The following ASIC2 variants were observed in gnomAD, a reference collection of about 807,000 sequenced individuals.
ASIC2 encodes the protein acid sensing ion channel subunit 2.
ASIC2 carries 25 observed loss-of-function variants against 57.3 expected under a neutral mutation model. The observed-to-expected ratio is 0.44, with a 90% CI of 0.32 to 0.61. ASIC2 has a LOEUF of 0.61. ASIC2 is among the 20% of genes least tolerant of loss of function. The pLI, the probability that ASIC2 is intolerant of heterozygous loss-of-function variation, is 0.06. For missense variants in ASIC2, 641 were observed against 738.1 expected, an observed-to-expected ratio of 0.87 and a Z score of 1.52; for synonymous variants, 319 against 307.5, an observed-to-expected ratio of 1.04 and a Z score of -0.39.
chr17:33,321,022 C>A (rs945235997), intron 1 of ASIC2, among the ~76,000 whole-genome samples: 1 of 152,160 alleles, frequency 6.6e-6, no homozygotes, highest in Non-Finnish European at 1.5e-5. Context: ...CTAGGAATAG[C>A]GCTGCTGTGA....
intron 1 of ASIC2, among the ~76,000 whole-genome samples, chr17:33,861,456 A>AT (rs751399803): frequency 6.6e-6 from 1 of 152,228 alleles, no homozygotes; most frequent in Non-Finnish European, 1.5e-5. Flanking sequence ...ACCAAAGGCT[A>AT]TTATTCCCAT....
chr17:33,513,214 T>C (rs1441731902), intron 1 of ASIC2, among the ~76,000 whole-genome samples: 2 of 152,228 alleles, frequency 1.3e-5, no homozygotes, highest in Non-Finnish European at 2.9e-5. Context: ...TAATTTTAGC[T>C]TTTATTTTCA....
chr17:34,097,737 G>A (rs940333284), intron 1 of ASIC2, among the ~76,000 whole-genome samples: 2 of 152,088 alleles, frequency 1.3e-5, no homozygotes, highest in African/African-American at 4.8e-5. Context: ...TGGAACTCAT[G>A]GATACAGAGG....
chr17:34,029,180 C>T (rs1907492169), intron 1 of ASIC2, among the ~76,000 whole-genome samples: 1 of 152,164 alleles, frequency 6.6e-6, no homozygotes, highest in African/African-American at 2.4e-5. Context: ...TCTTCCCCAT[C>T]TTATAAATTA....
chr17:33,134,302 T>C (rs115369446), intron 1 of ASIC2, among the ~76,000 whole-genome samples: 1,785 of 152,300 alleles, frequency 0.012, 21 homozygotes, highest in African/African-American at 0.03. Flanking sequence ...CCGTTCCTTT[T>C]CACCAGTGCT....
chr17:33,737,205 T>C (rs1372892024), intron 1 of ASIC2, among the ~76,000 whole-genome samples: 2 of 152,262 alleles, frequency 1.3e-5, no homozygotes, highest in African/African-American at 4.8e-5. Context: ...ATGGGGTAGG[T>C]TACTATCAGT....
intron 1 of ASIC2, among the ~76,000 whole-genome samples, chr17:34,152,025 T>TAA: frequency 6.6e-6 from 1 of 152,128 alleles, no homozygotes; most frequent in Non-Finnish European, 1.5e-5. Flanking sequence ...ATAATAATAA[T>TAA]TTTTTTAAAA....
intron 1 of ASIC2, among the ~76,000 whole-genome samples, chr17:33,625,545 G>A (rs1249630124): frequency 1.3e-5 from 2 of 152,170 alleles, no homozygotes; most frequent in South Asian, 4.1e-4. Context: ...ATTGTTTTAA[G>A]CTTCCACATC....
intron 1 of ASIC2, among the ~76,000 whole-genome samples, chr17:33,417,311 T>C (rs1290556582): frequency 6.6e-6 from 1 of 152,218 alleles, no homozygotes; most frequent in African/African-American, 2.4e-5. Context: ...CGTCTGTCTA[T>C]AATTGAATGC....
chr17:33,785,893 CA>C (rs1253450150), intron 1 of ASIC2, among the ~76,000 whole-genome samples: 2 of 152,132 alleles, frequency 1.3e-5, no homozygotes, highest in African/African-American at 4.8e-5. Flanking sequence ...TTCAAACTAC[CA>C]CATAGGATCC....
chr17:33,725,840 C>G (rs949521689), intron 1 of ASIC2, among the ~76,000 whole-genome samples: 1 of 151,866 alleles, frequency 6.6e-6, no homozygotes, highest in Non-Finnish European at 1.5e-5. Context: ...GCTCACAAAC[C>G]GCTGTAGCAC....
chr17:33,825,118 C>T (rs916450271), intron 1 of ASIC2, among the ~76,000 whole-genome samples: 5 of 152,310 alleles, frequency 3.3e-5, no homozygotes, highest in Middle Eastern at 6.8e-3. Context: ...GATTCTGGAA[C>T]TTCACTAAAT....
chr17:34,050,589 A>G (rs976582501), intron 1 of ASIC2, among the ~76,000 whole-genome samples: 3 of 152,198 alleles, frequency 2.0e-5, no homozygotes, highest in Non-Finnish European at 4.4e-5. Context: ...AAAAACTGAT[A>G]TCTATTTTTA....
rs900524185 is a variant in ASIC2 at position 33,291,635 on chromosome 17, G to A, written c.481C>T (p.Leu161=). The part of the protein sequence containing the change: ...LYYAGHWLGL[L]LPNRTARPLV... ...GGGCGCGCGGTGCGGTTGGGCAGCA[G>A]CAGCCCGAGCCAGTGGCCGGCATAG... is the stretch of plus-strand genomic sequence containing the variant. The change falls in exon 1 of 10, where the codon CTG becomes TTG. Residue 161 remains leucine, a synonymous_variant. Transcript: ENST00000225823. The A allele has an allele frequency of 2.5e-6, 4 of 1,609,486 alleles. No individual in the cohort carries two copies. Among genetic ancestry groups the A allele is most frequent in the Non-Finnish European group, 3.4e-6 (4 of 1,178,308 alleles).
chr17:33,257,152 C>T (rs187178313), intron 1 of ASIC2, among the ~76,000 whole-genome samples: 1 of 152,352 alleles, frequency 6.6e-6, no homozygotes, highest in African/African-American at 2.4e-5. Context: ...CCCAGCCTAT[C>T]TGCAGAAATC....
At chr17:33,948,637 GGAAT>G (rs1435114576) in intron 1 of ASIC2, among the ~76,000 whole-genome samples, 3 of 152,198 alleles carry the variant, frequency 2.0e-5, no homozygotes, top group Non-Finnish European at 2.9e-5. Flanking sequence ...TAGAAAACCT[GGAAT>G]CCAAGAGCTG....
rs950540293 is a variant in ASIC2, at chr17:33,475,760, G to A, written c.556-363693C>T. On this transcript the variant is annotated intron_variant, in intron 1 of 9. Transcript: ENST00000359872. ...AATCTTGCTATGAGGGAAAGCAAGC[G>A]GCCTTATCTGAAACAGAAGCAAAGG... Among the ~76,000 whole-genome samples the A allele has an allele frequency of 2.6e-5, 4 of 152,132 alleles. No individual in the cohort carries two copies. In the East Asian group the frequency reaches 5.8e-4, roughly 22 times the overall value.
At chr17:33,557,046 C>T (rs1915928570) in intron 1 of ASIC2, among the ~76,000 whole-genome samples, 1 of 152,196 alleles carries the variant, frequency 6.6e-6, no homozygotes, top group Non-Finnish European at 1.5e-5. Flanking sequence ...TTGTTATCAT[C>T]ATCACATTAG....
intron 1 of ASIC2, among the ~76,000 whole-genome samples, chr17:33,132,052 C>T (rs1462963522): frequency 6.6e-6 from 1 of 152,152 alleles, no homozygotes; most frequent in African/African-American, 2.4e-5. Flanking sequence ...GAGAGCTGGC[C>T]TGGATGCTGG....
Sources: gnomAD v4.1 joint callset for allele counts (sites outside exome capture counted in the v4.1 genomes callset) on GRCh38, gnomAD v4.1.1 for gene constraint, MANE v1.5 for transcripts, NCBI Gene and HGNC (gene_info 2026-07-23, HGNC 2026-07-21) for gene names.